Variants in BEND7 observed in about 807,000 individuals in gnomAD.
The protein encoded by BEND7 is BEN domain-containing protein 7.
BEND7 carries 28 observed loss-of-function variants against 50.9 expected under a neutral mutation model. The observed-to-expected ratio is 0.55, with a 90% confidence interval of 0.41 to 0.75. The LOEUF is 0.75. BEND7 is among the 30% of genes least tolerant of loss of function. The pLI is 0.00. For synonymous variants in BEND7, 170 were observed against 183.9 expected (o/e 0.92, Z 0.61); for missense variants, 477 against 491.3 (o/e 0.97, Z 0.28).
In BEND7 at chr10:13,510,238, C is replaced by A. The variant is rs966379634; in HGVS notation, c.146-10158G>T. ...TAAATATTTTAAGTATCTTATCTCC[C>A]TAATTATTAATGTAATGAAAATTAA... is the stretch of plus-strand genomic sequence containing the variant. On this transcript the variant is annotated intron_variant, in intron 2 of 8. Coordinates refer to ENST00000466271, the MANE Select transcript of BEND7 (RefSeq NM_001369863.1). Among the ~76,000 whole-genome samples, 4 of 152,258 alleles carry A rather than the reference C, an allele frequency of 2.6e-5. No homozygotes were observed. The East Asian group carries it at 7.7e-4, about 29-fold the overall frequency.
intron 5 of BEND7, 33 bp downstream of exon 5, chr10:13,492,578 A>G: frequency 6.2e-7 from 1 of 1,611,902 alleles, no homozygotes; most frequent in Non-Finnish European, 8.5e-7. Context: ...GTTACATAGC[A>G]TTAGAGTCAG....
chr10:13,487,345 C>T (rs1456691289), intron 5 of BEND7, among the ~76,000 whole-genome samples: 7 of 151,726 alleles, frequency 4.6e-5, no homozygotes, highest in Admixed American at 3.9e-4. Flanking sequence ...CTGGAACTTA[C>T]ACTCTCAGGC....
intron 4 of BEND7, among the ~76,000 whole-genome samples, chr10:13,495,623 T>C (rs1019149701): frequency 6.6e-6 from 1 of 152,152 alleles, no homozygotes; most frequent in Non-Finnish European, 1.5e-5. Context: ...GATCATGCCA[T>C]TGCACTCCAG....
upstream of BEND7, among the ~76,000 whole-genome samples, chr10:13,529,260 C>G (rs1236042394): frequency 2.7e-5 from 4 of 150,206 alleles, no homozygotes; most frequent in African/African-American, 7.3e-5. Context: ...GGCCTCCGCT[C>G]GCAGACCCCG....
At chr10:13,440,482 C>T (rs1459947509), downstream of BEND7, among the ~76,000 whole-genome samples, 2 of 152,050 alleles carry the variant, frequency 1.3e-5, no homozygotes, top group Non-Finnish European at 2.9e-5. Context: ...TACCCGCCCG[C>T]CTCTCCTCAC....
intron 2 of BEND7, among the ~76,000 whole-genome samples, chr10:13,509,072 C>T (rs1411412993): frequency 1.3e-5 from 2 of 152,106 alleles, no homozygotes; most frequent in African/African-American, 4.8e-5. Context: ...AAAGAAATAC[C>T]AGGAAATGAA....
chr10:13,500,697 G>A (rs945759967), intron 2 of BEND7: 13 of 985,506 alleles, frequency 1.3e-5, no homozygotes, highest in Admixed American at 6.1e-5. Context: ...GAGGACGGCC[G>A]AGGAGACAGA....
intron 6 of BEND7, 62 bp from the exon 7 acceptor site, chr10:13,452,720 A>G (rs1321057975): frequency 1.4e-6 from 2 of 1,443,710 alleles, no homozygotes; most frequent in East Asian, 2.3e-5. Context: ...GATCTGAAAC[A>G]GAAATATATT....
At chr10:13,454,619 G>A (rs567664857) in intron 6 of BEND7, among the ~76,000 whole-genome samples, 5 of 151,796 alleles carry the variant, frequency 3.3e-5, no homozygotes, top group Non-Finnish European at 5.9e-5. Context: ...GACTTTAAGC[G>A]ACTTGTACAA....
chr10:13,491,053 C>T (rs11258417), intron 5 of BEND7, among the ~76,000 whole-genome samples: 47,866 of 152,004 alleles, frequency 0.31, 7,907 homozygotes, highest in Non-Finnish European at 0.37. Context: ...ATCTGCCCAC[C>T]TTGGCCTCCC....
At chr10:13,493,912 A>T (rs2076848715) in intron 4 of BEND7, among the ~76,000 whole-genome samples, 1 of 152,238 alleles carries the variant, frequency 6.6e-6, no homozygotes, top group Admixed American at 6.5e-5. Flanking sequence ...TATAAACATG[A>T]ATCACCTCCT....
At chr10:13,463,658 A>C (rs1255054932) in intron 6 of BEND7, among the ~76,000 whole-genome samples, 1 of 152,224 alleles carries the variant, frequency 6.6e-6, no homozygotes, top group Non-Finnish European at 1.5e-5. Context: ...AAAAGGATAT[A>C]ATTATATCAT....
At chr10:13,497,021 C>A in intron 3 of BEND7, 133 bp from the exon 4 acceptor site, 1 of 1,163,274 alleles carries the variant, frequency 8.6e-7, no homozygotes, top group Non-Finnish European at 1.2e-6. Context: ...TGAAGCTGTG[C>A]CTAAGGAAAA....
chr10:13,500,907 C>T (rs1449494583), intron 2 of BEND7: 9 of 901,434 alleles, frequency 1.0e-5, no homozygotes, highest in Admixed American at 1.2e-4. Context: ...TCCCCTGCAG[C>T]GTAACTGTGT....
intron 2 of BEND7, among the ~76,000 whole-genome samples, chr10:13,506,433 C>T (rs1355395892): frequency 1.3e-5 from 2 of 152,064 alleles, no homozygotes; most frequent in African/African-American, 4.8e-5. Flanking sequence ...AGCAGTTCTG[C>T]GAGCCAGGAG....
intron 2 of BEND7, among the ~76,000 whole-genome samples, chr10:13,503,712 A>AAAACAAACAAAC (rs71386198): frequency 0.027 from 4,086 of 151,318 alleles, 69 homozygotes; most frequent in Middle Eastern, 0.031. Context: ...ACTCCATCTC[A>AAAACAAACAAAC]AAACAAACAA....
Position 13,476,274 on chromosome 10 carries a change from G to A in BEND7, c.1063+4625C>T, listed in dbSNP as rs191860659. 3.3e-5 allele frequency among the ~76,000 whole-genome samples: 5 copies of A among 152,248 alleles called. No homozygotes were observed. In the South Asian group the frequency reaches 6.2e-4, roughly 19 times the overall value. On this transcript the variant is annotated intron_variant, in intron 6 of 8. Coordinates refer to ENST00000466271, the MANE Select transcript of BEND7 (RefSeq NM_001369863.1). ...CACCCATTCTAATCTTGTAAGAAGCGCAGTTATTTTTTTGGAGGGCTACCA... is the reference window on the plus strand; with the variant it reads ...CACCCATTCTAATCTTGTAAGAAGCACAGTTATTTTTTTGGAGGGCTACCA...
At chr10:13,524,694 C>CTGGAAAGA (rs1436224942) in intron 2 of BEND7, among the ~76,000 whole-genome samples, 1 of 149,600 alleles carries the variant, frequency 6.7e-6, no homozygotes, top group Non-Finnish European at 1.5e-5. Context: ...GTTTAGGGGA[C>CTGGAAAGA]TGGAAAGACT....
intron 8 of BEND7, chr10:13,442,478 T>C (rs1326672763): frequency 2.0e-5 from 3 of 152,338 alleles, no homozygotes; most frequent in African/African-American, 7.2e-5. Context: ...TGGAGGTAAA[T>C]ATTTCTATAA....
Sources: gnomAD v4.1 joint callset for allele counts (sites outside exome capture counted in the v4.1 genomes callset) on GRCh38, gnomAD v4.1.1 for gene constraint, MANE v1.5 for transcripts, NCBI Gene and HGNC (gene_info 2026-07-23, HGNC 2026-07-21) for gene names.